Variants in PDE4D observed in about 807,000 individuals in gnomAD.
PDE4D encodes the protein 3',5'-cyclic-AMP phosphodiesterase 4D.
In PDE4D, 24 loss-of-function variants were observed where a neutral mutation model predicts 87.4. The ratio of observed to expected loss-of-function variants is 0.27; its 90% CI spans 0.20 to 0.39. The LOEUF (loss-of-function observed/expected upper bound fraction) is 0.39, where lower values mean the gene tolerates loss of function less well. Among genes scored for constraint, PDE4D ranks in the 10% least tolerant of loss-of-function variants. The pLI, the probability that PDE4D is intolerant of heterozygous loss-of-function variation, is 1.00. For missense variants in PDE4D, 714 were observed against 1,041.0 expected (o/e 0.69, Z 4.32); for synonymous variants, 384 against 383.2 (o/e 1.00, Z -0.02).
intron 1 of PDE4D, among the ~76,000 whole-genome samples, chr5:59,318,318 T>C (rs1774114432): frequency 6.6e-6 from 1 of 152,098 alleles, no homozygotes; most frequent in Non-Finnish European, 1.5e-5. Flanking sequence ...GATAAGCAAA[T>C]TGAGGTGGAG....
intron 2 of PDE4D, among the ~76,000 whole-genome samples, chr5:59,203,472 A>C (rs1748011067): frequency 6.6e-6 from 1 of 152,218 alleles, no homozygotes; most frequent in Non-Finnish European, 1.5e-5. Context: ...ATGATCCAGC[A>C]ATTCTACTTC....
At chr5:60,224,247 C>G (rs560174589) in intron 1 of PDE4D, among the ~76,000 whole-genome samples, 12 of 152,032 alleles carry the variant, frequency 7.9e-5, no homozygotes, top group Non-Finnish European at 1.5e-4. Context: ...TCTTCTCTGA[C>G]CAAAAGACTT....
chr5:59,607,701 A>G (rs1245983993), intron 1 of PDE4D, among the ~76,000 whole-genome samples: 1 of 152,078 alleles, frequency 6.6e-6, no homozygotes, highest in Non-Finnish European at 1.5e-5. Flanking sequence ...TGAGCATACT[A>G]TAATTAGAGG....
chr5:59,555,969 TGTGGAATGATCCTATTTCAC>T, intron 1 of PDE4D, among the ~76,000 whole-genome samples: 1 of 152,288 alleles, frequency 6.6e-6, no homozygotes, highest in Non-Finnish European at 1.5e-5. Context: ...TGCTGGAAGA[TGTGGAATGATCCTATTTCAC>T]GTGAATATCT....
At chr5:60,151,802 T>C (rs766971931) in intron 2 of PDE4D, among the ~76,000 whole-genome samples, 1 of 152,356 alleles carries the variant, frequency 6.6e-6, no homozygotes, top group Non-Finnish European at 1.5e-5. Context: ...CAAAAATGGA[T>C]GTCCTTGCCT....
chr5:59,868,173 C>T (rs1747324021), intron 1 of PDE4D, among the ~76,000 whole-genome samples: 1 of 152,080 alleles, frequency 6.6e-6, no homozygotes, highest in Non-Finnish European at 1.5e-5. Context: ...ATTGAAGACT[C>T]ACAGATTTCT....
chr5:59,695,517 T>C (rs1751643571), intron 1 of PDE4D, among the ~76,000 whole-genome samples: 1 of 152,232 alleles, frequency 6.6e-6, no homozygotes, highest in African/African-American at 2.4e-5. Flanking sequence ...AGCAACTCTC[T>C]GCATGATGCA....
intron 1 of PDE4D, among the ~76,000 whole-genome samples, chr5:59,692,366 G>T (rs76170089): frequency 1.9e-3 from 266 of 140,982 alleles, no homozygotes; most frequent in South Asian, 4.1e-3. Context: ...AGAATTCCAA[G>T]GGGATTGGGT....
chr5:59,369,678 T>C (rs558302213), intron 1 of PDE4D, among the ~76,000 whole-genome samples: 2 of 152,238 alleles, frequency 1.3e-5, no homozygotes, highest in South Asian at 4.1e-4. Flanking sequence ...ACCCTCAATG[T>C]TGGAGTGTTG....
intron 1 of PDE4D, among the ~76,000 whole-genome samples, chr5:60,267,951 T>C (rs1051204562): frequency 2.0e-5 from 3 of 152,170 alleles, no homozygotes; most frequent in African/African-American, 7.2e-5. Context: ...TCTGGGGTGC[T>C]GGTAGTGGTA....
chr5:59,307,494 G>A (rs975054934), intron 1 of PDE4D, among the ~76,000 whole-genome samples: 1 of 152,056 alleles, frequency 6.6e-6, no homozygotes, highest in Non-Finnish European at 1.5e-5. Context: ...AATCTACAAT[G>A]AACTCAAACA....
At chr5:60,187,895 T>C (rs1028087079) in intron 1 of PDE4D, among the ~76,000 whole-genome samples, 1 of 152,210 alleles carries the variant, frequency 6.6e-6, no homozygotes, top group African/African-American at 2.4e-5. Flanking sequence ...TTTTTCCAGA[T>C]CTACAAAAGA....
chr5:60,398,689 C>T (rs1235219568), intron 1 of PDE4D, among the ~76,000 whole-genome samples: 1 of 152,124 alleles, frequency 6.6e-6, no homozygotes, highest in African/African-American at 2.4e-5. Context: ...CCAACTTCTC[C>T]TCTATTCTCC....
At chr5:60,311,144 A>G (rs764333730) in intron 1 of PDE4D, among the ~76,000 whole-genome samples, 19 of 150,970 alleles carry the variant, frequency 1.3e-4, no homozygotes, top group Admixed American at 2.6e-4. Flanking sequence ...CAGCCTCCCC[A>G]GGGCCGGGAT....
chr5:58,989,905 T>C lies in PDE4D; in HGVS notation c.1302A>G (p.Leu434=). ...MHTIFQERDL[L]KTFKIPVDTL... ...TATCTACTGGAATTTTAAATGTTTT[T>C]AATAAATCCCGTTCCTGTAGGAAAA... is the stretch of plus-strand genomic sequence containing the variant. Residue 434 remains leucine, a synonymous_variant, in exon 10 of 15, where the codon TTA becomes TTG. Transcript: ENST00000340635. 2 of 1,535,480 alleles carry C rather than the reference T, an allele frequency of 1.3e-6. No homozygotes were observed. The highest frequency in any genetic ancestry group is 1.8e-6 in the Non-Finnish European group (2 of 1,116,388).
chr5:59,567,195 A>G (rs1035353569), intron 1 of PDE4D, among the ~76,000 whole-genome samples: 1 of 152,194 alleles, frequency 6.6e-6, no homozygotes, highest in African/African-American at 2.4e-5. Flanking sequence ...CACGTCAAAA[A>G]AAGTTGCTTT....
chr5:59,705,171 A>G (rs1409008143), intron 1 of PDE4D, among the ~76,000 whole-genome samples: 2 of 152,106 alleles, frequency 1.3e-5, no homozygotes, highest in African/African-American at 4.8e-5. Context: ...TCTTGTGGCA[A>G]GAATATAGTA....
chr5:60,251,081 CAGAGAAAGGAA>C (rs879689482), intron 1 of PDE4D, among the ~76,000 whole-genome samples: 1 of 151,682 alleles, frequency 6.6e-6, no homozygotes, highest in African/African-American at 2.4e-5. Context: ...AATAAGGATA[CAGAGAAAGGAA>C]AGAGAAAGGA....
chr5:60,442,813 C>T (rs753636240), intron 1 of PDE4D, among the ~76,000 whole-genome samples: 10 of 152,034 alleles, frequency 6.6e-5, no homozygotes, highest in Non-Finnish European at 1.2e-4. Flanking sequence ...TCAAATTAAA[C>T]ATTTATTTGA....
Sources: allele counts gnomAD v4.1 joint callset (sites outside exome capture counted in the v4.1 genomes callset), GRCh38; gene constraint gnomAD v4.1.1; transcripts MANE v1.5; gene names NCBI Gene and HGNC (gene_info 2026-07-23, HGNC 2026-07-21).